The following C4orf51 variants were observed in gnomAD, a reference collection of about 807,000 sequenced individuals.
The protein encoded by C4orf51 is chromosome 4 open reading frame 51, also known as uncharacterized protein C4orf51.
Under a neutral mutation model 25.2 loss-of-function variants are expected in C4orf51, and 25 were observed. The observed-to-expected ratio is 0.99, with a 90% CI of 0.72 to 1.39. The LOEUF is 1.39. Among genes scored for constraint, C4orf51 ranks in the 40% most tolerant of loss-of-function variants. The pLI, the probability that C4orf51 is intolerant of heterozygous loss-of-function variation, is 0.00. For synonymous variants in C4orf51, 100 were observed against 84.5 expected, an observed-to-expected ratio of 1.18 and a Z score of -1.01; for missense variants, 252 against 239.6, an observed-to-expected ratio of 1.05 and a Z score of -0.34.
intron 2 of C4orf51, among the ~76,000 whole-genome samples, chr4:145,702,165 C>T (rs933173173): frequency 6.6e-6 from 1 of 152,116 alleles, no homozygotes; most frequent in African/African-American, 2.4e-5. Context: ...TATAAACTCT[C>T]CTTACCATTC....
intron 1 of C4orf51, among the ~76,000 whole-genome samples, chr4:145,688,147 G>A (rs1451065208): frequency 1.3e-5 from 2 of 148,410 alleles, no homozygotes; most frequent in Admixed American, 6.8e-5. Context: ...GCTGAGGTGA[G>A]CCATGATTGT....
chr4:145,720,086 C>T (rs1041534994), intron 2 of C4orf51, among the ~76,000 whole-genome samples: 5 of 152,000 alleles, frequency 3.3e-5, no homozygotes, highest in Admixed American at 6.6e-5. Context: ...GAGGTTGTGG[C>T]CCCAGAATGA....
chr4:145,711,865 G>A (rs1731152498), intron 2 of C4orf51, among the ~76,000 whole-genome samples: 1 of 152,078 alleles, frequency 6.6e-6, no homozygotes, highest in Admixed American at 6.5e-5. Flanking sequence ...CAAATTGAAA[G>A]TGTGTGGCAA....
chr4:145,748,305 G>A (rs766973230), intron 1 of C4orf51, among the ~76,000 whole-genome samples: 1 of 151,886 alleles, frequency 6.6e-6, no homozygotes, highest in Admixed American at 6.6e-5. Context: ...CTGGTTAAAG[G>A]TTTGTCAAAT....
chr4:145,761,250 G>A lies in C4orf51; in HGVS notation n.167-9738G>A. 1 of 1,289,888 alleles carries A rather than the reference G, an allele frequency of 7.8e-7. No homozygotes were observed. The highest frequency in any genetic ancestry group is 1.2e-5 in the South Asian group (1 of 81,028). The allele number at this position is 1,289,888 out of a possible 1,614,324, so 79.9% of individuals were successfully genotyped here. Reference sequence around the variant, plus strand: ...CGAAAGGGTGTGTGGTCTTGAACAGGCACTCTTCGCAGCTGAAGGTCTGGC... The same window carrying A: ...CGAAAGGGTGTGTGGTCTTGAACAGACACTCTTCGCAGCTGAAGGTCTGGC... On this transcript the variant is annotated intron_variant and non_coding_transcript_variant, in intron 1 of 1. Transcript: ENST00000510096. This position sits in a 1 kb window ranked among gnomAD's most constrained non-coding sequence, Gnocchi z 6.8.
intron 1 of C4orf51, among the ~76,000 whole-genome samples, chr4:145,744,001 C>G (rs1733230908): frequency 6.6e-6 from 1 of 152,158 alleles, no homozygotes; most frequent in Admixed American, 6.5e-5. Flanking sequence ...TGTATTTTTC[C>G]TTGTATTATA....
At chr4:145,788,776 A>G in the C4orf51 span, among the ~76,000 whole-genome samples, 1 of 152,352 alleles carries the variant, frequency 6.6e-6, no homozygotes, top group East Asian at 1.9e-4. Context: ...TTAAGGTCTT[A>G]GCAATGGGCC....
the C4orf51 span, among the ~76,000 whole-genome samples, chr4:145,778,440 AC>A: frequency 1.3e-5 from 2 of 151,412 alleles, no homozygotes; most frequent in Non-Finnish European, 2.9e-5. Context: ...GACAACAAAA[AC>A]CTTTTTTTTT....
At chr4:145,703,506 C>T (rs1404108426) in intron 2 of C4orf51, among the ~76,000 whole-genome samples, 1 of 152,218 alleles carries the variant, frequency 6.6e-6, no homozygotes, top group Non-Finnish European at 1.5e-5. Context: ...GCGCATGAAA[C>T]TCCTTATCTG....
chr4:145,730,132 TAAGATA>T (rs1010716130), intron 5 of C4orf51, among the ~76,000 whole-genome samples, 167 bp downstream of exon 5: 1 of 152,222 alleles, frequency 6.6e-6, no homozygotes. Flanking sequence ...GCTGTTCTGA[TAAGATA>T]AAGTCTTTCT....
chr4:145,702,270 G>A (rs1313674960), intron 2 of C4orf51, among the ~76,000 whole-genome samples: 3 of 151,638 alleles, frequency 2.0e-5, no homozygotes, highest in South Asian at 4.2e-4. Flanking sequence ...CCACCCCGTG[G>A]TGCCAAACCC....
At chr4:145,712,744 A>G (rs946739603) in intron 2 of C4orf51, among the ~76,000 whole-genome samples, 4 of 152,262 alleles carry the variant, frequency 2.6e-5, no homozygotes, top group African/African-American at 9.6e-5. Context: ...GTACTAAACA[A>G]TATATTTTCC....
downstream of C4orf51, among the ~76,000 whole-genome samples, chr4:145,735,254 C>T (rs186010705): frequency 2.0e-5 from 3 of 152,196 alleles, no homozygotes; most frequent in Admixed American, 6.5e-5. Flanking sequence ...TTGTCAGATG[C>T]CAGTAGGGTT....
At chr4:145,740,579 TC>T (rs898629652) in intron 1 of C4orf51, among the ~76,000 whole-genome samples, 5 of 152,236 alleles carry the variant, frequency 3.3e-5, no homozygotes, top group Non-Finnish European at 7.3e-5. Context: ...ATACAGGTTT[TC>T]ATAAAACAGC....
chr4:145,753,655 CCT>C (rs1429223093), intron 1 of C4orf51, among the ~76,000 whole-genome samples: 1 of 152,166 alleles, frequency 6.6e-6, no homozygotes, highest in Non-Finnish European at 1.5e-5. Flanking sequence ...GCTCACAACC[CCT>C]TTCATGGTGA....
chr4:145,759,388 C>G (rs1734217537), intron 1 of C4orf51: 1 of 152,124 alleles, frequency 6.6e-6, no homozygotes, highest in African/African-American at 2.4e-5. Flanking sequence ...CATAAATTGC[C>G]ATTTTAATGA....
intron 1 of C4orf51, among the ~76,000 whole-genome samples, chr4:145,766,074 T>C (rs751614055): frequency 2.0e-5 from 3 of 152,186 alleles, no homozygotes; most frequent in Non-Finnish European, 4.4e-5. Context: ...TTTTGTTTTT[T>C]CAAAAATCCT....
downstream of C4orf51, chr4:145,757,633 C>T (rs1334983580): frequency 1.3e-5 from 2 of 149,722 alleles, no homozygotes; most frequent in Non-Finnish European, 2.9e-5. Flanking sequence ...AGAGTATAGC[C>T]AACCTTTTTT....
At chr4:145,699,595 C>T (rs538371186) in intron 2 of C4orf51, among the ~76,000 whole-genome samples, 3 of 152,266 alleles carry the variant, frequency 2.0e-5, no homozygotes, top group Non-Finnish European at 4.4e-5. Flanking sequence ...ACTCTGGCGC[C>T]GGTCACGGAC....
Sources: allele counts gnomAD v4.1 joint callset (sites outside exome capture counted in the v4.1 genomes callset), GRCh38; gene constraint gnomAD v4.1.1; non-coding constraint Gnocchi (gnomAD v3.1); transcripts MANE v1.5; gene names NCBI Gene and HGNC (gene_info 2026-07-23, HGNC 2026-07-21).